Variants in GPHN observed in about 807,000 individuals in gnomAD.
GPHN encodes gephyrin.
GPHN carries 17 observed loss-of-function variants against 95.5 expected under a neutral mutation model. That is an observed-to-expected ratio of 0.18 (90% CI 0.12 to 0.27). GPHN has a LOEUF of 0.27. Among genes scored for constraint, GPHN ranks in the 10% least tolerant of loss-of-function variants. GPHN has a pLI of 1.00. For missense variants in GPHN, 660 were observed against 978.1 expected (o/e 0.67, Z 4.34); for synonymous variants, 320 against 322.5 (o/e 0.99, Z 0.08).
At chr14:67,468,919 T>A in the GPHN span, among the ~76,000 whole-genome samples, 105 of 145,146 alleles carry the variant, frequency 7.2e-4, no homozygotes, top group South Asian at 9.1e-3. Flanking sequence ...TAATTTTTTT[T>A]AAAAAAAAAA....
intron 3 of GPHN, among the ~76,000 whole-genome samples, chr14:66,821,073 A>G (rs963499844): frequency 1.1e-4 from 16 of 152,202 alleles, no homozygotes; most frequent in Admixed American, 2.6e-4. Context: ...AAAATCTTCA[A>G]TGACCTCTTA....
the GPHN span, among the ~76,000 whole-genome samples, chr14:67,245,683 G>C: frequency 6.6e-6 from 1 of 152,066 alleles, no homozygotes; most frequent in Non-Finnish European, 1.5e-5. Context: ...TGTCAGATAA[G>C]TGATTTACGA....
chr14:67,161,043 A>G (rs1186237592), intron 19 of GPHN, among the ~76,000 whole-genome samples: 1 of 152,120 alleles, frequency 6.6e-6, no homozygotes, highest in Non-Finnish European at 1.5e-5. Context: ...ATAATCCCCA[A>G]CACTTTGGGA....
At chr14:67,674,359 C>T in the GPHN span, 4 of 1,573,818 alleles carry the variant, frequency 2.5e-6, no homozygotes, top group Admixed American at 1.9e-5. Context: ...CACGGCGTGG[C>T]CCACCCCCGC....
At chr14:67,567,756 G>A in the GPHN span, among the ~76,000 whole-genome samples, 1 of 152,060 alleles carries the variant, frequency 6.6e-6, no homozygotes, top group Non-Finnish European at 1.5e-5. Context: ...CCATCTCCTA[G>A]CCCATCTGAC....
the GPHN span, among the ~76,000 whole-genome samples, chr14:67,667,151 AACAG>A: frequency 6.6e-6 from 1 of 152,196 alleles, no homozygotes; most frequent in Non-Finnish European, 1.5e-5. Context: ...GTAAAATGGA[AACAG>A]ACAGCTCTGA....
chr14:66,818,358 C>T (rs1418784834), intron 3 of GPHN, among the ~76,000 whole-genome samples: 1 of 152,072 alleles, frequency 6.6e-6, no homozygotes, highest in Non-Finnish European at 1.5e-5. Flanking sequence ...TGGTATTTGG[C>T]TTTCTGTTCC....
chr14:67,549,751 T>C, the GPHN span, among the ~76,000 whole-genome samples: 8 of 152,236 alleles, frequency 5.3e-5, no homozygotes, highest in African/African-American at 1.9e-4. Flanking sequence ...TTTTGCATTC[T>C]GTGGCCAGGC....
At chr14:67,636,272 A>AC in the GPHN span, among the ~76,000 whole-genome samples, 685 of 151,814 alleles carry the variant, frequency 4.5e-3, 4 homozygotes, top group African/African-American at 0.015. Context: ...AAAAAAAAAA[A>AC]CCCAAAAAAC....
intron 1 of GPHN, among the ~76,000 whole-genome samples, chr14:66,584,486 C>G (rs2061338810): frequency 6.6e-6 from 1 of 152,108 alleles, no homozygotes; most frequent in African/African-American, 2.4e-5. Flanking sequence ...GGGAATGCTT[C>G]CAGTTTCTGT....
chr14:67,589,262 C>T, the GPHN span: 1 of 817,140 alleles, frequency 1.2e-6, no homozygotes, highest in East Asian at 1.2e-4. Context: ...TTCAGGAACC[C>T]TTTAGTTTAT....
chr14:66,520,893 G>C (rs770369560), intron 1 of GPHN, among the ~76,000 whole-genome samples: 5 of 151,714 alleles, frequency 3.3e-5, no homozygotes, highest in African/African-American at 1.2e-4. Context: ...AGTGTCTGTC[G>C]TTCCCTTCTT....
chr14:66,950,559 T>C (rs1429975447), intron 8 of GPHN, among the ~76,000 whole-genome samples: 2 of 152,360 alleles, frequency 1.3e-5, no homozygotes, highest in East Asian at 3.9e-4. Context: ...AGTTAGTGGC[T>C]GCTTCTACTT....
chr14:66,738,538 C>T (rs190808734), intron 2 of GPHN, among the ~76,000 whole-genome samples: 1 of 152,056 alleles, frequency 6.6e-6, no homozygotes, highest in East Asian at 1.9e-4. Context: ...TGGCGTGTGT[C>T]TTGCTTTGAG....
intron 4 of GPHN, among the ~76,000 whole-genome samples, chr14:66,853,722 C>T (rs1461756238): frequency 2.0e-5 from 3 of 152,198 alleles, no homozygotes; most frequent in African/African-American, 7.2e-5. Context: ...GGTAGGGGCA[C>T]AGCCAAACCA....
intron 4 of GPHN, among the ~76,000 whole-genome samples, chr14:66,865,267 A>G (rs1326879979): frequency 1.3e-5 from 2 of 152,104 alleles, no homozygotes; most frequent in African/African-American, 4.8e-5. Flanking sequence ...ACTAACACAA[A>G]GGATAAATGC....
At chr14:67,006,808 A>G (rs2072643469) in intron 9 of GPHN, among the ~76,000 whole-genome samples, 1 of 152,162 alleles carries the variant, frequency 6.6e-6, no homozygotes, top group Non-Finnish European at 1.5e-5. Flanking sequence ...GTGAGACCTG[A>G]AAGAGATTAT....
At chr14:67,275,006 C>G in the GPHN span, among the ~76,000 whole-genome samples, 1 of 151,964 alleles carries the variant, frequency 6.6e-6, no homozygotes, top group South Asian at 2.1e-4. Context: ...TGCTTATCAG[C>G]TTGAGATTTT....
the GPHN span, chr14:67,592,776 T>C: frequency 1.9e-3 from 2,087 of 1,072,262 alleles, 30 homozygotes; most frequent in African/African-American, 0.029. Flanking sequence ...GCATTCTTTT[T>C]TTCTTTTTCC....
Sources: allele counts gnomAD v4.1 joint callset (sites outside exome capture counted in the v4.1 genomes callset), GRCh38; gene constraint gnomAD v4.1.1; transcripts MANE v1.5; gene names NCBI Gene and HGNC (gene_info 2026-07-23, HGNC 2026-07-21).